The following NAALADL2 variants were observed in gnomAD, a reference collection of about 807,000 sequenced individuals.
The protein encoded by NAALADL2 is N-acetylated alpha-linked acidic dipeptidase like 2.
In NAALADL2, 76 loss-of-function variants were observed where a neutral mutation model predicts 87.2. That is an observed-to-expected ratio of 0.87 (90% confidence interval 0.72 to 1.05). NAALADL2 has a LOEUF of 1.05. NAALADL2 is among the 50% of genes least tolerant of loss of function. The probability of loss-of-function intolerance (pLI) is 0.00; values close to 1 mark genes in which losing one functional copy is unlikely to be tolerated. For missense variants in NAALADL2, 1,089 were observed against 945.8 expected, an observed-to-expected ratio of 1.15 and a Z score of -1.99; for synonymous variants, 354 against 331.0, an observed-to-expected ratio of 1.07 and a Z score of -0.75.
At chr3:175,316,933 T>C (rs922100625) in intron 4 of NAALADL2, among the ~76,000 whole-genome samples, 1 of 152,142 alleles carries the variant, frequency 6.6e-6, no homozygotes. Context: ...TGATGGCCAG[T>C]GACAGATGCC....
intron 11 of NAALADL2, among the ~76,000 whole-genome samples, chr3:175,736,348 T>A (rs1171497634): frequency 6.6e-6 from 1 of 152,178 alleles, no homozygotes; most frequent in Non-Finnish European, 1.5e-5. Context: ...TTAGTTTTGA[T>A]TCTAGAAAAT....
intron 3 of NAALADL2, among the ~76,000 whole-genome samples, chr3:174,760,346 T>C (rs1578817807): frequency 6.6e-6 from 1 of 152,222 alleles, no homozygotes; most frequent in Non-Finnish European, 1.5e-5. Context: ...GAAAAGCCAG[T>C]TGAATTTCTT....
intron 9 of NAALADL2, among the ~76,000 whole-genome samples, chr3:175,558,081 G>A (rs1296190565): frequency 6.6e-6 from 1 of 151,212 alleles, no homozygotes; most frequent in Non-Finnish European, 1.5e-5. Context: ...TGTAGTCCCA[G>A]CTACTTGGGA....
chr3:174,760,125 G>A lies in NAALADL2; in HGVS notation c.-9+22379G>A, dbSNP rs908005325. 5.3e-5 allele frequency among the ~76,000 whole-genome samples: 8 copies of A among 152,240 alleles called. No homozygotes were observed. The South Asian group carries it at 1.5e-3, about 28-fold the overall frequency. ...GTAATTTTCTTCCCATTTTATGTAT[G>A]CAAGGAAACTGATTGTCTGAAGTAT... On this transcript the variant is annotated intron_variant, in intron 3 of 3. Coordinates refer to the NAALADL2 transcript ENST00000434257.
chr3:175,037,532 C>G (rs1040146554), intron 1 of NAALADL2, among the ~76,000 whole-genome samples: 2 of 152,056 alleles, frequency 1.3e-5, no homozygotes, highest in Non-Finnish European at 2.9e-5. Context: ...TGGGGTTAAC[C>G]CTTGCCTACA....
intron 2 of NAALADL2, among the ~76,000 whole-genome samples, chr3:174,725,031 G>A (rs1732056207): frequency 6.6e-6 from 1 of 152,142 alleles, no homozygotes; most frequent in Non-Finnish European, 1.5e-5. Context: ...ACACTGAGAA[G>A]CACTGCCTTT....
intron 1 of NAALADL2, among the ~76,000 whole-genome samples, chr3:175,012,988 T>G (rs1328662375): frequency 7.9e-6 from 1 of 126,284 alleles, no homozygotes; most frequent in Non-Finnish European, 1.5e-5. Context: ...TACACAAAAA[T>G]ATATATACAT....
intron 4 of NAALADL2, among the ~76,000 whole-genome samples, chr3:175,289,888 A>C (rs759598340): frequency 1.3e-5 from 2 of 152,208 alleles, no homozygotes; most frequent in Non-Finnish European, 2.9e-5. Context: ...TTATATCCAG[A>C]ATACAACTGT....
chr3:174,975,493 T>C (rs949963384), intron 1 of NAALADL2, among the ~76,000 whole-genome samples: 5 of 152,194 alleles, frequency 3.3e-5, no homozygotes, highest in African/African-American at 1.2e-4. Flanking sequence ...TTTTTTCCAT[T>C]ATTTTTAATG....
chr3:175,129,136 AG>A (rs2108615738), intron 2 of NAALADL2, among the ~76,000 whole-genome samples: 1 of 151,776 alleles, frequency 6.6e-6, no homozygotes, highest in Non-Finnish European at 1.5e-5. Context: ...TAATAGAGAC[AG>A]GGTTTTGTCA....
At chr3:175,188,697 A>G (rs987009491) in intron 2 of NAALADL2, among the ~76,000 whole-genome samples, 2 of 152,096 alleles carry the variant, frequency 1.3e-5, no homozygotes, top group African/African-American at 2.4e-5. Flanking sequence ...GCTCCCTGCT[A>G]ACTGGTGCCC....
intron 2 of NAALADL2, among the ~76,000 whole-genome samples, chr3:174,683,061 A>G (rs1034143037): frequency 6.6e-6 from 1 of 152,196 alleles, no homozygotes; most frequent in African/African-American, 2.4e-5. Context: ...CACTTAACAA[A>G]GAGATGGAAA....
chr3:175,273,987 A>G (rs952238737), intron 4 of NAALADL2, among the ~76,000 whole-genome samples: 1 of 152,088 alleles, frequency 6.6e-6, no homozygotes, highest in Non-Finnish European at 1.5e-5. Context: ...TGATTAATGC[A>G]GTTAAGTAGA....
rs55845095 is a variant in NAALADL2, at chr3:175,539,625, C to T, written c.1654-36416C>T. On this transcript the variant is annotated intron_variant, in intron 9 of 13. Coordinates refer to ENST00000454872, the MANE Select transcript of NAALADL2 (RefSeq NM_207015.3). ...CTAAGCATAGTACCACAGTTGTTGT[C>T]GTTGTTCTGAACCTCTCTCTCTTCC... Among the ~76,000 whole-genome samples, 12 of 151,962 alleles carry T rather than the reference C, an allele frequency of 7.9e-5. No homozygotes were observed. In the East Asian group the frequency reaches 9.7e-4, roughly 12 times the overall value.
intron 11 of NAALADL2, among the ~76,000 whole-genome samples, chr3:175,712,676 G>T (rs1404598919): frequency 6.6e-6 from 1 of 152,032 alleles, no homozygotes; most frequent in Non-Finnish European, 1.5e-5. Context: ...GCATCAGAAG[G>T]TTCTGTCTGT....
intron 1 of NAALADL2, among the ~76,000 whole-genome samples, chr3:174,886,810 G>C (rs990286591): frequency 1.3e-5 from 2 of 152,046 alleles, no homozygotes; most frequent in African/African-American, 4.8e-5. Context: ...AATCTTAATT[G>C]GGTTCCAGCT....
chr3:174,886,979 TG>T (rs1328270103), intron 1 of NAALADL2, among the ~76,000 whole-genome samples: 3 of 152,112 alleles, frequency 2.0e-5, no homozygotes, highest in Non-Finnish European at 4.4e-5. Context: ...CAGACAAACG[TG>T]GGTACATTTT....
intron 1 of NAALADL2, among the ~76,000 whole-genome samples, chr3:174,507,324 T>A (rs1263629431): frequency 2.0e-5 from 3 of 152,228 alleles, no homozygotes; most frequent in African/African-American, 7.2e-5. Flanking sequence ...ATGTTGGGGA[T>A]GTTGTTCAAG....
chr3:175,368,553 A>T (rs1373253827), intron 5 of NAALADL2, among the ~76,000 whole-genome samples: 2 of 146,036 alleles, frequency 1.4e-5, no homozygotes, highest in Non-Finnish European at 3.0e-5. Flanking sequence ...CTTTGAAAGG[A>T]CTGTAGCAGG....
Sources: gnomAD v4.1 joint callset for allele counts (sites outside exome capture counted in the v4.1 genomes callset) on GRCh38, gnomAD v4.1.1 for gene constraint, MANE v1.5 for transcripts, NCBI Gene and HGNC (gene_info 2026-07-23, HGNC 2026-07-21) for gene names.